DOT1L: variants seen among roughly 807,000 people sequenced by gnomAD.
The protein encoded by DOT1L is histone-lysine N-methyltransferase, H3 lysine-79 specific.
A neutral mutation model predicts 153.3 loss-of-function variants in DOT1L; 33 were observed. That is an observed-to-expected ratio of 0.22 (90% CI 0.16 to 0.29). DOT1L has a LOEUF of 0.29. Ranked by LOEUF, DOT1L falls within the 10% of genes least tolerant of loss-of-function variation. DOT1L has a pLI of 1.00. For missense variants in DOT1L, 1,847 were observed against 2,119.9 expected (o/e 0.87, Z 2.53); for synonymous variants, 1,135 against 965.1 (o/e 1.18, Z -3.26).
In DOT1L at chr19:2,193,878, C is replaced by A; in HGVS notation, c.588+95C>A. On this transcript the variant is annotated intron_variant, in intron 6 of 27. Transcript: ENST00000398665. The surrounding 1 kb of genome is among the most constrained non-coding windows in gnomAD (Gnocchi z 5.9). ...CTGCACCCCACTGCTGTGGGACTTC[C>A]GAGTCTGGGTGGCGTTCTTTCCAGG... 3.0e-6 allele frequency: 4 copies of A among 1,317,286 alleles called. No individual in the cohort carries two copies. Among genetic ancestry groups the A allele is most frequent in the South Asian group, 2.6e-5 (2 of 76,474 alleles). 81.6% of individuals were successfully genotyped at this position (1,317,286 alleles called of 1,614,324 possible). A position where few individuals can be genotyped will look rare whatever the true frequency, so the allele number is the denominator to read the frequency against.
chr19:2,200,579 G>A (rs115346548), intron 8 of DOT1L, among the ~76,000 whole-genome samples: 150 of 152,238 alleles, frequency 9.9e-4, no homozygotes, highest in African/African-American at 3.3e-3. Context: ...GGCCCAAGGC[G>A]CTTGTGAGGG....
intron 4 of DOT1L, among the ~76,000 whole-genome samples, 197 bp downstream of exon 4, chr19:2,189,992 G>C (rs1398715010): frequency 8.5e-5 from 13 of 152,158 alleles, no homozygotes; most frequent in Admixed American, 8.5e-4. Flanking sequence ...CTGTGGCCGT[G>C]TGCCAAAGCA....
At position 2,190,138 on chromosome 19, in the gene DOT1L, C is replaced by T. The variant is rs775917690; in HGVS notation, c.264+343C>T. On this transcript the variant is annotated intron_variant, in intron 4 of 27. Transcript: ENST00000398665. The surrounding 1 kb of genome is among the most constrained non-coding windows in gnomAD (Gnocchi z 4.8). The stretch of plus-strand genomic sequence containing the variant: ...TGTCCTCCCCGGGCTGTGTGAATGC[C>T]GGCCTTCCCCCTTGGACCTCCCCCA... 1.6e-4 allele frequency among the ~76,000 whole-genome samples: 24 copies of T among 152,184 alleles called. No homozygotes were observed. The highest frequency in any genetic ancestry group is 1.9e-4 in the East Asian group (1 of 5,170).
At chr19:2,194,463 G>A (rs372841445) in intron 6 of DOT1L, 52 bp from the exon 7 acceptor site, 9 of 1,609,680 alleles carry the variant, frequency 5.6e-6, no homozygotes, top group African/African-American at 1.3e-5. Context: ...GAGCCACCGC[G>A]CCTGGCTTGC....
rs541940418 is a variant in DOT1L at position 2,201,087 on chromosome 19, A to G, written c.707+1148A>G. On this transcript the variant is annotated intron_variant, in intron 8 of 27. Transcript: ENST00000398665. The stretch of plus-strand genomic sequence containing the variant: ...TCCCTGCATTCCTCGTCGTCCCCTC[A>G]TTCCTCGTCCTCCCCGCATTCCTCG... Among the ~76,000 whole-genome samples, 70 of 100,540 alleles carry G rather than the reference A, an allele frequency of 7.0e-4. 1 individual carries two copies. The highest frequency in any genetic ancestry group is 2.5e-3 in the African/African-American group (63 of 24,816). 66.0% of individuals were successfully genotyped at this position (100,540 alleles called of 152,430 possible). A position where few individuals can be genotyped will look rare whatever the true frequency, so the allele number is the denominator to read the frequency against.
intron 27 of DOT1L, chr19:2,228,328 C>T (rs572150957): frequency 3.7e-6 from 5 of 1,335,100 alleles, no homozygotes; most frequent in Admixed American, 4.2e-5. Flanking sequence ...GCGCACCTTT[C>T]GGGGGTTAAG....
chr19:2,226,694 G>C lies in DOT1L; in HGVS notation c.4173G>C (p.Glu1391Asp), dbSNP rs763724894. 3 of 1,572,766 alleles carry C rather than the reference G, an allele frequency of 1.9e-6. No homozygotes were observed. Among genetic ancestry groups the C allele is most frequent in the Non-Finnish European group, 2.6e-6 (3 of 1,163,878 alleles). ...GCAGCCGCGGCAAGGAGGCAGGGGA[G>C]GGCGGCCTACCGCTGTGCGGGCCCA... ...GEGSRGKEAG[E>D]GGLPLCGPTD... The change falls in exon 27 of 28, where the codon GAG (glutamate) becomes GAC (aspartate). Residue 1391 changes from glutamate to aspartate, a missense_variant. Glu to Asp is a conservative substitution (Grantham distance 45). Around this residue, in one of 8 missense-constraint regions of DOT1L, gnomAD observed 934 missense variants for 825.3 expected, o/e 1.13. Transcript: ENST00000398665.
intron 1 of DOT1L, among the ~76,000 whole-genome samples, chr19:2,176,959 G>A (rs1001113823): frequency 2.6e-5 from 4 of 152,164 alleles, no homozygotes; most frequent in African/African-American, 7.2e-5. Context: ...GCAGGACCCC[G>A]ATATGAGGGA....
In DOT1L at chr19:2,210,888, C is replaced by A. The variant is rs759987856; in HGVS notation, c.1351+33C>A. 1.3e-5 allele frequency: 21 copies of A among 1,604,920 alleles called. No homozygotes were observed. The Admixed American group carries it at 3.4e-4, about 26-fold the overall frequency. On this transcript the variant is annotated intron_variant, in intron 14 of 27. Transcript: ENST00000398665. ...GCCCCCACGCCACGGCCCCCGCTCT[C>A]CCCGAGTGCGGATGCCTGGGGTCCC... is the stretch of plus-strand genomic sequence containing the variant.
chr19:2,222,337 C>T lies in DOT1L; in HGVS notation c.3168C>T (p.Ala1056=), dbSNP rs1382099350. The change falls in exon 24 of 28, where the codon GCC becomes GCT. Residue 1056 remains alanine (A), a synonymous_variant. Coordinates refer to ENST00000398665, the MANE Select transcript of DOT1L (RefSeq NM_032482.3). This position sits in a 1 kb window ranked among gnomAD's most constrained non-coding sequence, Gnocchi z 6.5. ...VFTITTGAGS[A]KQSPSSKHSP... is the part of the protein sequence containing the mutation. ...CCATCACCACTGGTGCGGGCAGTGC[C>T]AAGCAGTCGCCCTCCAGCAAGCACA... 1.2e-6 allele frequency: 2 copies of T among 1,612,694 alleles called. No homozygotes were observed. The highest frequency in any genetic ancestry group is 1.7e-6 in the Non-Finnish European group (2 of 1,179,866).
Position 2,228,715 on chromosome 19 carries a change from C to T in DOT1L, c.4607-1070C>T, listed in dbSNP as rs563698785. 3.3e-3 allele frequency: 3,281 copies of T among 985,380 alleles called. 10 individuals carry two copies. The highest frequency in any genetic ancestry group is 5.7e-3 in the Middle Eastern group (11 of 1,914). The allele number at this position is 985,380 out of a possible 1,614,324, so 61.0% of individuals were successfully genotyped here. A position where few individuals can be genotyped will look rare whatever the true frequency, so the allele number is the denominator to read the frequency against. ...GCCAGGGGGCTGGGAGCTCTAGCTC[C>T]TAGAGCAGTCTCCAGGGCTCCATCC... On this transcript the variant is annotated intron_variant, in intron 27 of 27. Coordinates refer to ENST00000398665, the MANE Select transcript of DOT1L (RefSeq NM_032482.3).
Position 2,217,001 on chromosome 19 carries a change from G to A in DOT1L, c.2455G>A (p.Val819Met), listed in dbSNP as rs772792385. ...CGGCCTTCCCTACCAGAGCCCCAGC[G>A]TGCCTGGCAGCATGAAGCTGAGCCC... ...ENGLPYQSPS[V>M]PGSMKLSPQD... Residue 819 changes from valine to methionine, a missense_variant, in exon 21 of 28, where the codon GTG (valine) becomes ATG (methionine). By Grantham distance (21) the Val-to-Met change is conservative. Coordinates refer to ENST00000398665, the MANE Select transcript of DOT1L (RefSeq NM_032482.3). This position sits in a 1 kb window ranked among gnomAD's most constrained non-coding sequence, Gnocchi z 7.3. The A allele has an allele frequency of 9.9e-6, 16 of 1,613,026 alleles. No homozygotes were observed. Among genetic ancestry groups the A allele is most frequent in the South Asian group, 3.3e-5 (3 of 91,068 alleles).
At position 2,222,501 on chromosome 19, in the gene DOT1L, C is replaced by T. The variant is rs747259094; in HGVS notation, c.3332C>T (p.Pro1111Leu). ...GTGTCCCCCAAGCGCCGAGCCCTGC[C>T]GTCCGTCGCTGGCCTTTTCACACAG... ...AGVSPKRRAL[P>L]SVAGLFTQPS... The change falls in exon 24 of 28, where the codon CCG (proline) becomes CTG (leucine). Residue 1111 changes from proline to leucine, a missense_variant. By Grantham distance (98) the Pro-to-Leu change is moderately conservative. Transcript: ENST00000398665. The surrounding 1 kb of genome is among the most constrained non-coding windows in gnomAD (Gnocchi z 6.5). 3.9e-5 allele frequency: 62 copies of T among 1,583,228 alleles called. No homozygotes were observed. Among genetic ancestry groups the T allele is most frequent in the Non-Finnish European group, 4.9e-5 (57 of 1,168,210 alleles).
intron 1 of DOT1L, among the ~76,000 whole-genome samples, chr19:2,166,492 T>C (rs187242079): frequency 2.0e-4 from 28 of 143,214 alleles, no homozygotes; most frequent in African/African-American, 7.1e-4. Flanking sequence ...GCTCACTGCA[T>C]CGTCTGCCTC....
At chr19:2,196,735 TGCTGGCCGGC>T (rs1196411445) in intron 7 of DOT1L, among the ~76,000 whole-genome samples, 3 of 152,186 alleles carry the variant, frequency 2.0e-5, no homozygotes, top group African/African-American at 7.2e-5. Flanking sequence ...CGTACCCTCG[TGCTGGCCGGC>T]GCTGGCATTT....
chr19:2,210,917 T>A, intron 14 of DOT1L, 62 bp downstream of exon 14: 1 of 1,572,534 alleles, frequency 6.4e-7, no homozygotes. Flanking sequence ...GGGTCCCCTC[T>A]GCTGGGACGC....
Position 2,197,483 on chromosome 19 carries a change from G to A in DOT1L, c.652-2401G>A, listed in dbSNP as rs1283938829. On this transcript the variant is annotated intron_variant, in intron 7 of 27. Coordinates refer to ENST00000398665, the MANE Select transcript of DOT1L (RefSeq NM_032482.3). This position sits in a 1 kb window ranked among gnomAD's most constrained non-coding sequence, Gnocchi z 4.1. Reference sequence around the variant, plus strand: ...CCTTGCTCAGGAGAGGGGTGCTGTCGGGTGGTGGGGCTGCCGCAGCACTGC... The same window carrying A: ...CCTTGCTCAGGAGAGGGGTGCTGTCAGGTGGTGGGGCTGCCGCAGCACTGC... Among the ~76,000 whole-genome samples, 1 of 152,172 alleles carries A rather than the reference G, an allele frequency of 6.6e-6. No individual in the cohort carries two copies. Among genetic ancestry groups the A allele is most frequent in the East Asian group, 1.9e-4 (1 of 5,202 alleles).
Position 2,224,430 on chromosome 19 carries a change from C to T in DOT1L, c.3596+944C>T, listed in dbSNP as rs146037056. 1.2e-3 allele frequency among the ~76,000 whole-genome samples: 178 copies of T among 150,272 alleles called. 1 individual carries two copies. The highest frequency in any genetic ancestry group is 1.2e-3 in the Non-Finnish European group (83 of 67,740). ...TTTTGATTCTAGCCATCCGAGTCGT[C>T]GTGAAGTGATATAACATGGTAGGGT... is the stretch of plus-strand genomic sequence containing the variant. On this transcript the variant is annotated intron_variant, in intron 25 of 27. Transcript: ENST00000398665.
Position 2,202,758 on chromosome 19 carries a change from C to A in DOT1L, c.766C>A (p.Arg256=). ...TGAGGTGGATCACCAGCTGAAGGAG[C>A]GGTTTGCAAACATGAAGGAAGGTAA... is the stretch of plus-strand genomic sequence containing the variant. The part of the protein sequence containing the change: ...GPEVDHQLKE[R]FANMKEGGRI... The change falls in exon 9 of 28, where the codon CGG becomes AGG. Residue 256 remains arginine, a synonymous_variant. Coordinates refer to ENST00000398665, the MANE Select transcript of DOT1L (RefSeq NM_032482.3). The A allele has an allele frequency of 1.9e-6, 3 of 1,614,144 alleles. No individual in the cohort carries two copies. The highest frequency in any genetic ancestry group is 2.5e-6 in the Non-Finnish European group (3 of 1,180,018).
Sources: allele counts gnomAD v4.1 joint callset (sites outside exome capture counted in the v4.1 genomes callset), GRCh38; gene constraint gnomAD v4.1.1; regional missense constraint gnomAD v4.1.1; non-coding constraint Gnocchi (gnomAD v3.1); transcripts MANE v1.5; gene names NCBI Gene and HGNC (gene_info 2026-07-23, HGNC 2026-07-21).